DENND4A: variants seen among roughly 807,000 people sequenced by gnomAD.
DENND4A encodes DENN domain containing 4A.
DENND4A carries 70 observed loss-of-function variants against 199.3 expected under a neutral mutation model. That is an observed-to-expected ratio of 0.35 (90% CI 0.29 to 0.43). DENND4A has a LOEUF of 0.43. Ranked by LOEUF, DENND4A falls within the 20% of genes least tolerant of loss-of-function variation. The pLI is 1.00. For synonymous variants in DENND4A, 686 were observed against 766.9 expected (o/e 0.89, Z 1.74); for missense variants, 1,723 against 2,255.8 (o/e 0.76, Z 4.78).
In DENND4A at chr15:65,737,713, A is replaced by G; in HGVS notation, c.1034T>C (p.Ile345Thr). ...YSISGPHVLPIEKHISHFMHK... is the reference protein window; with the variant it reads ...YSISGPHVLPTEKHISHFMHK... ...CCAAGAACACTTAACTTACTTCTCA[A>G]TTGGAAGGACATGAGGCCCAGAGAT... Residue 345 changes from isoleucine (I) to threonine (T), a missense_variant, in exon 7 of 33, where the codon ATT (isoleucine) becomes ACT (threonine). Around this residue, in one of 6 missense-constraint regions of DENND4A, gnomAD observed 725 missense variants for 952.9 expected, o/e 0.76. Transcript: ENST00000443035. 1 of 1,569,844 alleles carries G rather than the reference A, an allele frequency of 6.4e-7. No individual in the cohort carries two copies. Among genetic ancestry groups the G allele is most frequent in the Non-Finnish European group, 8.6e-7 (1 of 1,156,922 alleles).
Position 65,752,376 on chromosome 15 carries a change from T to C in DENND4A, c.561+3A>G. 6.7e-7 allele frequency: 1 copy of C among 1,503,286 alleles called. No homozygotes were observed. The highest frequency in any genetic ancestry group is 9.0e-7 in the Non-Finnish European group (1 of 1,109,042). 93.1% of individuals were successfully genotyped at this position (1,503,286 alleles called of 1,614,324 possible). A position where few individuals can be genotyped will look rare whatever the true frequency, so the allele number is the denominator to read the frequency against. On this transcript the variant is annotated splice_donor_region_variant and intron_variant, in intron 4 of 32. Transcript: ENST00000443035. ...ATGTTACCAGTGCAAGTAAGTCACT[T>C]ACCATACTGTTATTGAGATTCTTGT...
At chr15:65,702,824 T>C (rs2074922444) in intron 16 of DENND4A, 49 bp downstream of exon 16, 2 of 1,536,132 alleles carry the variant, frequency 1.3e-6, no homozygotes, top group Non-Finnish European at 8.9e-7. Flanking sequence ...AAATATCCAA[T>C]TTATTTCTTG....
Position 65,691,647 on chromosome 15 carries a change from A to T in DENND4A, c.3083-136T>A. 3.4e-6 allele frequency: 3 copies of T among 876,222 alleles called. No homozygotes were observed. The South Asian group carries it at 5.9e-5, about 17-fold the overall frequency. The allele number at this position is 876,222 out of a possible 1,614,324, so 54.3% of individuals were successfully genotyped here. On this transcript the variant is annotated intron_variant, in intron 22 of 32. Transcript: ENST00000443035. ...GTGTCTGCTATTTGACAGATACTAT[A>T]CTAAACACTTTACTTATATTTCCTA...
At chr15:65,716,696 C>G (rs2075416660) in intron 13 of DENND4A, among the ~76,000 whole-genome samples, 1 of 151,808 alleles carries the variant, frequency 6.6e-6, no homozygotes, top group Admixed American at 6.6e-5. Flanking sequence ...AATAGTGCCG[C>G]AATAAACATA....
intron 1 of DENND4A, chr15:65,772,013 G>A: frequency 6.9e-7 from 1 of 1,440,298 alleles, no homozygotes; most frequent in South Asian, 1.2e-5. Flanking sequence ...TTTATGCGCA[G>A]GCCAAGGGCA....
chr15:65,676,567 G>A lies in DENND4A; in HGVS notation c.4247C>T (p.Thr1416Ile), dbSNP rs746764150. The A allele has an allele frequency of 6.2e-6, 10 of 1,613,456 alleles. No homozygotes were observed. In the South Asian group the frequency reaches 8.8e-5, roughly 14 times the overall value. Residue 1416 changes from threonine to isoleucine, a missense_variant, in exon 24 of 33, where the codon ACA (threonine) becomes ATA (isoleucine). This residue lies in a region of DENND4A where 650 missense variants were observed against 738.1 expected (regional missense o/e 0.88). Transcript: ENST00000443035. ...CAACTCATGGCAGACATCTTCATCTGTTAAAGAGGTAGATTCAGAATCCTG... is the reference window on the plus strand; with the variant it reads ...CAACTCATGGCAGACATCTTCATCTATTAAAGAGGTAGATTCAGAATCCTG... ...GAQDSESTSLTDEDVCHELEG... is the reference protein window; with the variant it reads ...GAQDSESTSLIDEDVCHELEG...
At chr15:65,697,530 C>A in intron 20 of DENND4A, 147 bp from the exon 21 acceptor site, 1 of 583,062 alleles carries the variant, frequency 1.7e-6, no homozygotes, top group Non-Finnish European at 3.0e-6. Flanking sequence ...TGTTAGCTAC[C>A]CTTAAAGCAT....
chr15:65,690,699 T>C lies in DENND4A; in HGVS notation c.3895A>G (p.Asn1299Asp), dbSNP rs748638545. Residue 1299 changes from asparagine to aspartate, a missense_variant, in exon 23 of 33, where the codon AAT becomes GAT. Coordinates refer to ENST00000443035, the MANE Select transcript of DENND4A (RefSeq NM_001320835.1). ...KACRRSSLPPNSPKPVRLTKS... is the reference protein window; with the variant it reads ...KACRRSSLPPDSPKPVRLTKS... ...GTAAGTCTCACTGGCTTAGGAGAAT[T>C]AGGAGGCAGACTAGATCTTCTGCAT... is the stretch of plus-strand genomic sequence containing the variant. 6.2e-7 allele frequency: 1 copy of C among 1,613,638 alleles called. No individual in the cohort carries two copies. The highest frequency in any genetic ancestry group is 1.1e-5 in the South Asian group (1 of 91,066).
rs2142198359 is a variant in DENND4A, at chr15:65,702,298, T to C, written c.2430+7A>G. The stretch of plus-strand genomic sequence containing the variant: ...AAATAAAATAACAACAATAAAATAA[T>C]TGTTACCTCATCAGGTGGATCCATC... On this transcript the variant is annotated splice_region_variant and intron_variant, in intron 17 of 32. Transcript: ENST00000443035. 1.9e-6 allele frequency: 3 copies of C among 1,547,506 alleles called. No homozygotes were observed. Among genetic ancestry groups the C allele is most frequent in the Admixed American group, 2.0e-5 (1 of 50,942 alleles).
intron 32 of DENND4A, 112 bp from the exon 33 acceptor site, chr15:65,662,099 T>A: frequency 7.0e-5 from 54 of 776,968 alleles, no homozygotes; most frequent in Non-Finnish European, 9.7e-5. Flanking sequence ...AAGAAGGAAT[T>A]GCTAGGACAT....
At chr15:65,663,918 C>T (rs1049049698) in intron 32 of DENND4A, among the ~76,000 whole-genome samples, 3 of 152,040 alleles carry the variant, frequency 2.0e-5, no homozygotes, top group African/African-American at 7.2e-5. Flanking sequence ...TCCCAAAGTG[C>T]TGGGATTACA....
intron 27 of DENND4A, 48 bp downstream of exon 27, chr15:65,669,731 T>A: frequency 6.8e-7 from 1 of 1,475,690 alleles, no homozygotes; most frequent in East Asian, 2.4e-5. Flanking sequence ...TTCTAAAATA[T>A]GTGTAAATAT....
chr15:65,698,722 T>G (rs2077240842), intron 20 of DENND4A, among the ~76,000 whole-genome samples: 1 of 145,200 alleles, frequency 6.9e-6, no homozygotes, highest in African/African-American at 2.6e-5. Flanking sequence ...TATTTTAAGA[T>G]AGCCTTTTTT....
chr15:65,782,966 CT>C (rs79229683), intron 1 of DENND4A, among the ~76,000 whole-genome samples: 3,519 of 133,092 alleles, frequency 0.026, 70 homozygotes, highest in African/African-American at 0.063. Flanking sequence ...TGGAAGGGAT[CT>C]TTTTTTTTTT....
rs115822209 is a variant in DENND4A, at chr15:65,664,514, G to A, written c.5522+46C>T. 748 of 1,574,082 alleles carry A rather than the reference G, an allele frequency of 4.8e-4. 4 individuals are homozygous for A. In the African/African-American group the frequency reaches 9.5e-3, roughly 20 times the overall value. ...TAACAAATTACTAAGCAAACAATAT[G>A]AATCTGCCTAGGAGAACAATATATT... On this transcript the variant is annotated intron_variant, in intron 31 of 32. Transcript: ENST00000443035.
At chr15:65,708,997 C>G (rs1261875000) in intron 14 of DENND4A, among the ~76,000 whole-genome samples, 2 of 152,142 alleles carry the variant, frequency 1.3e-5, no homozygotes, top group Non-Finnish European at 2.9e-5. Context: ...ATGCTAAGAT[C>G]AAAAGAGTTA....
chr15:65,762,975 T>G lies in DENND4A; in HGVS notation c.-101-1537A>C, dbSNP rs568772067. 2.1e-4 allele frequency among the ~76,000 whole-genome samples: 32 copies of G among 152,320 alleles called. No homozygotes were observed. In the East Asian group the frequency reaches 4.0e-3, roughly 19 times the overall value. On this transcript the variant is annotated intron_variant, in intron 1 of 32. Transcript: ENST00000443035. ...GAACAAGAGAATAAGCAATGTCATATTACAGAATTCAATATGCCAGTATCT... is the reference window on the plus strand; with the variant it reads ...GAACAAGAGAATAAGCAATGTCATAGTACAGAATTCAATATGCCAGTATCT...
At chr15:65,783,136 T>C (rs1062198) in intron 1 of DENND4A, among the ~76,000 whole-genome samples, 5 of 151,998 alleles carry the variant, frequency 3.3e-5, no homozygotes, top group Non-Finnish European at 1.5e-5. Context: ...GGGAAAAGGT[T>C]TGATTTAAGT....
At chr15:65,686,491 T>C (rs960666658) in intron 23 of DENND4A, among the ~76,000 whole-genome samples, 1 of 152,228 alleles carries the variant, frequency 6.6e-6, no homozygotes, top group Non-Finnish European at 1.5e-5. Context: ...ACCAATTGTG[T>C]CATTGTTTTG....
Sources: allele counts gnomAD v4.1 joint callset (sites outside exome capture counted in the v4.1 genomes callset), GRCh38; gene constraint gnomAD v4.1.1; regional missense constraint gnomAD v4.1.1; transcripts MANE v1.5; gene names NCBI Gene and HGNC (gene_info 2026-07-23, HGNC 2026-07-21).